MBP: variants seen among roughly 807,000 people sequenced by gnomAD.
MBP encodes the protein myelin basic protein, also known as Golli-MBP.
MBP carries 16 observed loss-of-function variants against 35.8 expected under a neutral mutation model. The observed-to-expected ratio is 0.45, with a 90% confidence interval of 0.30 to 0.68. MBP has a LOEUF of 0.68. MBP is among the 30% of genes least tolerant of loss of function. The pLI is 0.08. For missense variants in MBP, 380 were observed against 404.7 expected, an observed-to-expected ratio of 0.94 and a Z score of 0.52; for synonymous variants, 143 against 159.6, an observed-to-expected ratio of 0.90 and a Z score of 0.78.
rs1969717435 is a variant in MBP at position 76,988,742 on chromosome 18, T to C, written c.717+135A>G. 20 of 1,327,388 alleles carry C rather than the reference T, an allele frequency of 1.5e-5. No homozygotes were observed. In the South Asian group the frequency reaches 2.1e-4, roughly 14 times the overall value. The allele number at this position is 1,327,388 out of a possible 1,614,324, so 82.2% of individuals were successfully genotyped here. On this transcript the variant is annotated intron_variant, in intron 6 of 8. Coordinates refer to ENST00000355994, the MANE Select transcript of MBP (RefSeq NM_001025101.2). This position sits in a 1 kb window ranked among gnomAD's most constrained non-coding sequence, Gnocchi z 5.2. ...CATGGATCTGCCGACCTGTTCTACT[T>C]GGGAGCTGCCTGGCAACACGTTTTG...
intron 3 of MBP, among the ~76,000 whole-genome samples, chr18:77,027,943 C>T (rs892622793): frequency 2.0e-4 from 31 of 152,056 alleles, no homozygotes; most frequent in Admixed American, 1.5e-3. Context: ...CCTGTCTTGG[C>T]TTCCCAAGTA....
At chr18:76,999,271 A>G (rs1970501263) in intron 4 of MBP, among the ~76,000 whole-genome samples, 1 of 152,124 alleles carries the variant, frequency 6.6e-6, no homozygotes, top group African/African-American at 2.4e-5. Flanking sequence ...CGCACCCTCA[A>G]GCCTTCCCGG....
chr18:77,039,037 G>C (rs1972882407), intron 3 of MBP, among the ~76,000 whole-genome samples: 1 of 152,182 alleles, frequency 6.6e-6, no homozygotes, highest in Non-Finnish European at 1.5e-5. Flanking sequence ...AAGAAAAATA[G>C]TATTTTGTGA....
intron 2 of MBP, among the ~76,000 whole-genome samples, chr18:77,081,729 T>C (rs1408734646): frequency 6.7e-6 from 1 of 149,848 alleles, no homozygotes; most frequent in Non-Finnish European, 1.5e-5. Context: ...ACAGAGCTTA[T>C]ACAGGGATTT....
chr18:77,060,223 G>A (rs1973911841), intron 3 of MBP, among the ~76,000 whole-genome samples: 1 of 152,150 alleles, frequency 6.6e-6, no homozygotes, highest in African/African-American at 2.4e-5. Context: ...GCACATTGGA[G>A]GTGCTCAAAA....
Position 77,002,663 on chromosome 18 carries a change from T to C in MBP, c.577-12603A>G, listed in dbSNP as rs370598861. On this transcript the variant is annotated intron_variant, in intron 4 of 8. Coordinates refer to ENST00000355994, the MANE Select transcript of MBP (RefSeq NM_001025101.2). Reference sequence around the variant, plus strand: ...ATTTGAATATTGAGATGCACAGAGGTTCAGGGAGCTGCTCGCAGAGGCTGC... The same window carrying C: ...ATTTGAATATTGAGATGCACAGAGGCTCAGGGAGCTGCTCGCAGAGGCTGC... Among the ~76,000 whole-genome samples, 33 of 152,198 alleles carry C rather than the reference T, an allele frequency of 2.2e-4. 1 individual carries two copies. In the East Asian group the frequency reaches 3.7e-3, roughly 17 times the overall value.
At chr18:77,069,372 C>A (rs902131261) in intron 2 of MBP, among the ~76,000 whole-genome samples, 3 of 152,140 alleles carry the variant, frequency 2.0e-5, no homozygotes, top group Non-Finnish European at 2.9e-5. Context: ...TTACATCCTG[C>A]TTCTATGCTA....
intron 3 of MBP, among the ~76,000 whole-genome samples, chr18:77,053,821 C>A (rs1324315179): frequency 6.6e-6 from 1 of 152,236 alleles, no homozygotes; most frequent in Non-Finnish European, 1.5e-5. Flanking sequence ...GCCGGGCCTG[C>A]GTCTAGGTGC....
intron 4 of MBP, among the ~76,000 whole-genome samples, chr18:77,009,195 C>T (rs34142646): frequency 0.24 from 35,924 of 152,160 alleles, 4,793 homozygotes; most frequent in Middle Eastern, 0.31. Flanking sequence ...TGGGCTTGTC[C>T]CCTTCCCCTT....
chr18:76,985,029 C>T lies in MBP; in HGVS notation c.751-135G>A. The T allele has an allele frequency of 6.0e-6, 9 of 1,498,024 alleles. 1 individual carries two copies. Among genetic ancestry groups the T allele is most frequent in the Non-Finnish European group, 3.6e-6 (4 of 1,110,258 alleles). 92.8% of individuals were successfully genotyped at this position (1,498,024 alleles called of 1,614,324 possible). ...GGACTGGTGAGTGGTTCAGGAGCCA[C>T]GGGCCAGCACCACGCTGAGGGGGTG... On this transcript the variant is annotated intron_variant, in intron 7 of 8. Transcript: ENST00000355994.
intron 1 of MBP, among the ~76,000 whole-genome samples, chr18:77,129,241 T>G (rs572747188): frequency 6.6e-6 from 1 of 152,264 alleles, no homozygotes; most frequent in Non-Finnish European, 1.5e-5. Flanking sequence ...CGCAGTGCTA[T>G]TCACAGAGTC....
intron 3 of MBP, among the ~76,000 whole-genome samples, chr18:77,032,926 TA>T (rs753884015): frequency 2.0e-5 from 3 of 152,208 alleles, no homozygotes; most frequent in Non-Finnish European, 4.4e-5. Context: ...TTTGGACTTT[TA>T]GAAAAGGTCT....
chr18:77,016,667 C>T (rs1201095147), intron 4 of MBP, 165 bp downstream of exon 4: 3 of 1,429,990 alleles, frequency 2.1e-6, no homozygotes, highest in Non-Finnish European at 2.7e-6. Context: ...TAAGCAGCCA[C>T]TCAGGCCCAC....
chr18:77,058,851 A>G lies in MBP; in HGVS notation c.139+7447T>C, dbSNP rs576034480. On this transcript the variant is annotated intron_variant, in intron 3 of 8. Transcript: ENST00000355994. ...TAGTTTCCAGAGACGCTGCAGTTCA[A>G]CATTTTCCGGGGAAAGTTTACCGTT... Among the ~76,000 whole-genome samples the G allele has an allele frequency of 2.6e-5, 4 of 152,338 alleles. No individual in the cohort carries two copies. In the East Asian group the frequency reaches 7.7e-4, roughly 29 times the overall value.
intron 1 of MBP, among the ~76,000 whole-genome samples, chr18:77,124,407 G>A (rs902667318): frequency 1.3e-5 from 2 of 152,106 alleles, no homozygotes; most frequent in African/African-American, 2.4e-5. Context: ...AACATAAATC[G>A]CTAGAATAAC....
chr18:77,064,717 T>A (rs1229698125), intron 3 of MBP, among the ~76,000 whole-genome samples: 1 of 152,220 alleles, frequency 6.6e-6, no homozygotes, highest in Non-Finnish European at 1.5e-5. Flanking sequence ...AAGAAAGGCC[T>A]TTCCATAAAT....
chr18:77,002,366 A>G (rs1245373812), intron 4 of MBP, among the ~76,000 whole-genome samples: 4 of 152,220 alleles, frequency 2.6e-5, no homozygotes, highest in Non-Finnish European at 5.9e-5. Flanking sequence ...CACGTTAGAA[A>G]AATGTCTCTT....
intron 3 of MBP, among the ~76,000 whole-genome samples, chr18:77,058,242 G>A (rs899706559): frequency 1.3e-5 from 2 of 152,156 alleles, no homozygotes; most frequent in East Asian, 1.9e-4. Context: ...GTGGGGATGC[G>A]GGGATGCGGG....
chr18:77,047,738 C>T (rs1299018364), intron 3 of MBP, among the ~76,000 whole-genome samples: 1 of 152,120 alleles, frequency 6.6e-6, no homozygotes, highest in East Asian at 1.9e-4. Flanking sequence ...ACAGAAAATA[C>T]ATCAGAAGAT....
Sources: allele counts gnomAD v4.1 joint callset (sites outside exome capture counted in the v4.1 genomes callset), GRCh38; gene constraint gnomAD v4.1.1; non-coding constraint Gnocchi (gnomAD v3.1); transcripts MANE v1.5; gene names NCBI Gene and HGNC (gene_info 2026-07-23, HGNC 2026-07-21).